The following NFIB variants were observed in gnomAD, a reference collection of about 807,000 sequenced individuals.
NFIB encodes the protein nuclear factor I B.
A neutral mutation model predicts 61.5 loss-of-function variants in NFIB; 11 were observed. The ratio of observed to expected loss-of-function variants is 0.18; its 90% CI spans 0.11 to 0.30. The LOEUF (loss-of-function observed/expected upper bound fraction) is 0.30. NFIB is among the 10% of genes least tolerant of loss of function. The probability of loss-of-function intolerance (pLI) is 1.00; values close to 1 mark genes in which losing one functional copy is unlikely to be tolerated. For missense variants in NFIB, 471 were observed against 608.9 expected, an observed-to-expected ratio of 0.77 and a Z score of 2.38; for synonymous variants, 260 against 216.5, an observed-to-expected ratio of 1.20 and a Z score of -1.76.
At chr9:14,392,286 T>C (rs1459676054) in intron 1 of NFIB, among the ~76,000 whole-genome samples, 1 of 152,344 alleles carries the variant, frequency 6.6e-6, no homozygotes, top group Admixed American at 6.5e-5. Context: ...CAGGTGATCA[T>C]TGTCTATCAA....
intron 6 of NFIB, among the ~76,000 whole-genome samples, chr9:14,127,581 A>G (rs1358127463): frequency 6.6e-6 from 1 of 152,182 alleles, no homozygotes; most frequent in Non-Finnish European, 1.5e-5. Context: ...AAAAGAAAAA[A>G]ACACCAAAAC....
intron 2 of NFIB, among the ~76,000 whole-genome samples, chr9:14,241,165 T>C: frequency 6.6e-6 from 1 of 152,220 alleles, no homozygotes; most frequent in East Asian, 1.9e-4. Flanking sequence ...TAACCATTTC[T>C]GGCCAGGTCT....
chr9:14,424,109 C>T, the NFIB span, among the ~76,000 whole-genome samples: 7 of 152,146 alleles, frequency 4.6e-5, no homozygotes, highest in African/African-American at 7.2e-5. Context: ...CCCACGTACT[C>T]TATGCTCATA....
Position 14,150,237 on chromosome 9 carries a change from G to A in NFIB, c.714C>T (p.Asn238=). 2 of 1,613,466 alleles carry A rather than the reference G, an allele frequency of 1.2e-6. No individual in the cohort carries two copies. Among genetic ancestry groups the A allele is most frequent in the Non-Finnish European group, 8.5e-7 (1 of 1,179,530 alleles). ...RTPITQGTGV[N]FPIGEIPSQP... is the part of the protein sequence containing the mutation. Reference sequence around the variant, plus strand: ...GGCTTGGGATTTCTCCAATTGGGAAGTTGACTCCAGTTCCCTGGGTTATGG... The same window carrying A: ...GGCTTGGGATTTCTCCAATTGGGAAATTGACTCCAGTTCCCTGGGTTATGG... The change falls in exon 5 of 11, where the codon AAC becomes AAT. Residue 238 remains asparagine, a synonymous_variant. Coordinates refer to ENST00000380953, the MANE Select transcript of NFIB (RefSeq NM_001190737.2).
At chr9:14,294,381 C>G (rs1332220821) in intron 2 of NFIB, among the ~76,000 whole-genome samples, 2 of 152,240 alleles carry the variant, frequency 1.3e-5, no homozygotes, top group Admixed American at 6.5e-5. Context: ...TACGCTCCCA[C>G]TTTAAGTGAA....
chr9:14,196,769 G>C (rs1291489967), intron 2 of NFIB, among the ~76,000 whole-genome samples: 1 of 150,840 alleles, frequency 6.6e-6, no homozygotes, highest in African/African-American at 2.4e-5. Flanking sequence ...ACCTTAAAAA[G>C]AAAAATCAGA....
chr9:14,182,708 C>CTGTGTGTGTGTGTG (rs59897559), intron 2 of NFIB, among the ~76,000 whole-genome samples: 1 of 96,994 alleles, frequency 1.0e-5, no homozygotes, highest in African/African-American at 4.4e-5. Context: ...CTCTCTCTCT[C>CTGTGTGTGTGTGTG]TGTGTGTGTG....
At chr9:14,320,711 A>G (rs965836995) in intron 1 of NFIB, among the ~76,000 whole-genome samples, 3 of 152,180 alleles carry the variant, frequency 2.0e-5, no homozygotes, top group African/African-American at 7.2e-5. Flanking sequence ...CTGCTTATTT[A>G]CACGTGCATT....
intron 6 of NFIB, among the ~76,000 whole-genome samples, chr9:14,136,493 G>A (rs972274145): frequency 2.6e-5 from 4 of 152,216 alleles, no homozygotes; most frequent in Admixed American, 2.0e-4. Context: ...GATACTGGAA[G>A]GGCTCTAATT....
chr9:14,114,759 A>C (rs2119062079), intron 9 of NFIB, among the ~76,000 whole-genome samples: 1 of 152,284 alleles, frequency 6.6e-6, no homozygotes, highest in Non-Finnish European at 1.5e-5. Flanking sequence ...ATAACACCAC[A>C]AGAGTAGGCA....
intron 1 of NFIB, among the ~76,000 whole-genome samples, chr9:14,390,662 G>T (rs1393102278): frequency 1.3e-5 from 2 of 152,216 alleles, no homozygotes; most frequent in Admixed American, 6.5e-5. Flanking sequence ...GGTTATGAAA[G>T]TGGAGCCCTC....
At chr9:14,392,197 G>A (rs532177305) in intron 1 of NFIB, among the ~76,000 whole-genome samples, 8 of 152,090 alleles carry the variant, frequency 5.3e-5, no homozygotes, top group African/African-American at 1.2e-4. Context: ...TAAATATAAC[G>A]TGGCATCCTG....
At chr9:14,240,929 C>T (rs896194848) in intron 2 of NFIB, among the ~76,000 whole-genome samples, 2 of 152,176 alleles carry the variant, frequency 1.3e-5, no homozygotes, top group African/African-American at 4.8e-5. Context: ...GTTAGAAAGC[C>T]AGGACCAACT....
At chr9:14,235,279 G>C (rs1221239728) in intron 2 of NFIB, among the ~76,000 whole-genome samples, 2 of 152,264 alleles carry the variant, frequency 1.3e-5, no homozygotes, top group East Asian at 3.9e-4. Flanking sequence ...AAACTTGGGA[G>C]GCAAACTGAT....
chr9:14,332,129 T>TA (rs1304905277), intron 1 of NFIB, among the ~76,000 whole-genome samples: 1 of 151,946 alleles, frequency 6.6e-6, no homozygotes, highest in African/African-American at 2.4e-5. Context: ...AGTCAGGAGT[T>TA]AGAGACCAGC....
intron 2 of NFIB, among the ~76,000 whole-genome samples, chr9:14,270,105 G>A (rs780888911): frequency 6.6e-6 from 1 of 152,084 alleles, no homozygotes; most frequent in Non-Finnish European, 1.5e-5. Flanking sequence ...GCTGTCTCAA[G>A]CCACTGTACT....
At chr9:14,269,577 C>T (rs2057452487) in intron 2 of NFIB, among the ~76,000 whole-genome samples, 1 of 152,180 alleles carries the variant, frequency 6.6e-6, no homozygotes, top group Non-Finnish European at 1.5e-5. Flanking sequence ...ACCATCTGCA[C>T]ACATTACAGC....
At chr9:14,526,583 C>T in the NFIB span, among the ~76,000 whole-genome samples, 3 of 152,170 alleles carry the variant, frequency 2.0e-5, no homozygotes, top group African/African-American at 7.2e-5. Flanking sequence ...ATTCTCTTTT[C>T]CTGCCCTGCT....
rs535370983 is a variant in NFIB at position 14,154,969 on chromosome 9, C to T, written c.685+856G>A. ...CTCTAAATATGACCCAAATGAGAAA[C>T]ACAACTTAGGCAGGTATCAGAGTGT... On this transcript the variant is annotated intron_variant, in intron 4 of 10. Transcript: ENST00000380953. Among the ~76,000 whole-genome samples, 28 of 152,190 alleles carry T rather than the reference C, an allele frequency of 1.8e-4. 1 individual carries two copies. The South Asian group carries it at 5.6e-3, about 30-fold the overall frequency.
Sources: gnomAD v4.1 joint callset for allele counts (sites outside exome capture counted in the v4.1 genomes callset) on GRCh38, gnomAD v4.1.1 for gene constraint, MANE v1.5 for transcripts, NCBI Gene and HGNC (gene_info 2026-07-23, HGNC 2026-07-21) for gene names.